The following LARP7 variants were observed in gnomAD, a reference collection of about 807,000 sequenced individuals.
The protein encoded by LARP7 is la-related protein 7.
LARP7 carries 52 observed loss-of-function variants against 69.3 expected under a neutral mutation model. The observed-to-expected ratio is 0.75, with a 90% CI of 0.60 to 0.95. The LOEUF is 0.95. Ranked by LOEUF, LARP7 falls within the 40% of genes least tolerant of loss-of-function variation. The pLI is 0.00. For missense variants in LARP7, 733 were observed against 673.0 expected, an observed-to-expected ratio of 1.09 and a Z score of -0.99; for synonymous variants, 254 against 215.9, an observed-to-expected ratio of 1.18 and a Z score of -1.55.
At chr4:112,645,592 G>GCC in intron 2 of LARP7, 1 of 454,940 alleles carries the variant, frequency 2.2e-6, no homozygotes, top group South Asian at 1.6e-5. Flanking sequence ...TCCAACTTCT[G>GCC]CCCCCACCTC....
intron 8 of LARP7, chr4:112,648,648 T>A: frequency 2.4e-6 from 1 of 419,722 alleles, no homozygotes; most frequent in Non-Finnish European, 5.0e-6. Context: ...AAAAAAATTT[T>A]TTTACCTTCC....
chr4:112,650,819 T>A (rs757623169), intron 10 of LARP7, among the ~76,000 whole-genome samples: 1 of 152,200 alleles, frequency 6.6e-6, no homozygotes, highest in Admixed American at 6.5e-5. Flanking sequence ...TCCTTCTCTA[T>A]AGGAAAATTG....
At chr4:112,654,193 C>A in intron 12 of LARP7, 34 bp downstream of exon 12, 1 of 1,481,142 alleles carries the variant, frequency 6.8e-7, no homozygotes, top group Non-Finnish European at 9.4e-7. Context: ...TTAGACTAAA[C>A]TTTCCTTGAA....
chr4:112,651,712 T>C (rs2048749173), intron 10 of LARP7, among the ~76,000 whole-genome samples: 1 of 152,206 alleles, frequency 6.6e-6, no homozygotes, highest in Admixed American at 6.5e-5. Flanking sequence ...TACAACTGTC[T>C]GTGACTTGCC....
At chr4:112,652,020 A>G (rs1219311270) in intron 10 of LARP7, among the ~76,000 whole-genome samples, 1 of 151,816 alleles carries the variant, frequency 6.6e-6, no homozygotes, top group Non-Finnish European at 1.5e-5. Flanking sequence ...TAATTTGGCA[A>G]ACAGTTACTA....
At chr4:112,648,999 T>C (rs1386846299) in intron 8 of LARP7, among the ~76,000 whole-genome samples, 1 of 151,744 alleles carries the variant, frequency 6.6e-6, no homozygotes, top group Admixed American at 6.6e-5. Context: ...TAACAATGAG[T>C]GCTCCCACTG....
rs2048392897 is a variant in LARP7, at chr4:112,647,819, TAAGAG to T, written c.1128_1132del (p.Leu376PhefsTer21). The T allele has an allele frequency of 6.3e-7, 1 of 1,592,602 alleles. No individual in the cohort carries two copies. The highest frequency in any genetic ancestry group is 8.6e-7 in the Non-Finnish European group (1 of 1,162,580). On this transcript the variant is annotated frameshift_variant, in exon 8 of 13. Coordinates refer to ENST00000344442, the MANE Select transcript of LARP7 (RefSeq NM_016648.4). LOFTEE classifies it high-confidence loss of function. ...AAAATGGGAGAAGAAGTTATACCAT[TAAGAG>T]TGCTATCAAAGTAAGTCTGTGGTTT...
intron 2 of LARP7, among the ~76,000 whole-genome samples, chr4:112,646,100 C>G (rs899171564): frequency 7.9e-5 from 12 of 152,048 alleles, no homozygotes; most frequent in Admixed American, 6.5e-4. Flanking sequence ...CTACCTCACT[C>G]TCGAGTAGCT....
chr4:112,647,833 A>C lies in LARP7; in HGVS notation c.1141A>C (p.Lys381Gln). 1 of 1,582,028 alleles carries C rather than the reference A, an allele frequency of 6.3e-7. No individual in the cohort carries two copies. Among genetic ancestry groups the C allele is most frequent in the South Asian group, 1.1e-5 (1 of 90,268 alleles). ...EEVIPLRVLS[K>Q]SEWMDLKKEY... ...AGTTATACCATTAAGAGTGCTATCA[A>C]AGTAAGTCTGTGGTTTAAATTCTGT... is the stretch of plus-strand genomic sequence containing the variant. The change falls in exon 8 of 13, where the codon AAG (lysine) becomes CAG (glutamine). Residue 381 changes from lysine to glutamine, a missense_variant and splice_region_variant. Physicochemically the swap from Lys to Gln is moderately conservative, Grantham distance 53. Transcript: ENST00000344442.
rs774897137 is a variant in LARP7, at chr4:112,646,820, C to A, written c.417C>A (p.Ser139Arg). ...TACTTCCCAAAAATGTTAATCACAG[C>A]TGGATTGAAAGAGTATTTGGGAAAT... ...VELLPKNVNH[S>R]WIERVFGKCG... The change falls in exon 5 of 13, where the codon AGC (serine) becomes AGA (arginine). Residue 139 changes from serine to arginine, a missense_variant. Ser to Arg is a moderately radical substitution (Grantham distance 110, BLOSUM62 -1). Transcript: ENST00000344442. 6.3e-7 allele frequency: 1 copy of A among 1,599,726 alleles called. No individual in the cohort carries two copies. The highest frequency in any genetic ancestry group is 8.5e-7 in the Non-Finnish European group (1 of 1,176,012).
At position 112,647,469 on chromosome 4, in the gene LARP7, T is replaced by C; in HGVS notation, c.917T>C (p.Leu306Pro). The change falls in exon 7 of 13, where the codon CTA becomes CCA. Residue 306 changes from leucine (L) to proline (P), a missense_variant. Physicochemically the swap from Leu to Pro is moderately conservative, Grantham distance 98 (BLOSUM62 -3). Coordinates refer to ENST00000344442, the MANE Select transcript of LARP7 (RefSeq NM_016648.4). ...KRSSSEDAES[L>P]APRSKVKKII... ...AGCAGCTCTGAAGATGCAGAATCCC[T>C]AGCTCCCCGATCAAAAGTAAAGAAA... The C allele has an allele frequency of 6.2e-7, 1 of 1,613,932 alleles. No individual in the cohort carries two copies. The highest frequency in any genetic ancestry group is 8.5e-7 in the Non-Finnish European group (1 of 1,179,882).
intron 2 of LARP7, 74 bp downstream of exon 2, chr4:112,644,945 C>CTTTTTTTTTTTTTTTTTTT (rs58234206): frequency 3.8e-5 from 6 of 159,990 alleles, no homozygotes; most frequent in Admixed American, 1.3e-4. Flanking sequence ...ATAATATATT[C>CTTTTTTTTTTTTTTTTTTT]TTTTTTTTTT....
Position 112,645,135 on chromosome 4 carries a change from T to C in LARP7, c.202+264T>C, listed in dbSNP as rs12650431. ...CTAATTTTTGTATTTTCAGTAGAGA[T>C]GGGATTTTACTGTGTTGGCCAGGCT... On this transcript the variant is annotated intron_variant, in intron 2 of 12. Coordinates refer to ENST00000344442, the MANE Select transcript of LARP7 (RefSeq NM_016648.4). Among the ~76,000 whole-genome samples the C allele has an allele frequency of 0.68, 103,247 of 151,334 alleles. 35,667 individuals carry two copies. The highest frequency in any genetic ancestry group is 0.96 in the East Asian group (4,924 of 5,132).
At position 112,647,185 on chromosome 4, in the gene LARP7, T is replaced by C. The variant is rs2048330610; in HGVS notation, c.647-14T>C. 2 of 1,591,608 alleles carry C rather than the reference T, an allele frequency of 1.3e-6. No homozygotes were observed. Among genetic ancestry groups the C allele is most frequent in the African/African-American group, 1.4e-5 (1 of 72,990 alleles). The stretch of plus-strand genomic sequence containing the variant: ...TTGAAGTAAGATGAACTAATAATGA[T>C]GGCACTTTTACAGAAGAGAAGAAAA... On this transcript the variant is annotated splice_polypyrimidine_tract_variant and intron_variant, in intron 6 of 12. Coordinates refer to ENST00000344442, the MANE Select transcript of LARP7 (RefSeq NM_016648.4).
intron 1 of LARP7, among the ~76,000 whole-genome samples, chr4:112,642,690 A>G (rs761227735): frequency 7.2e-5 from 11 of 152,232 alleles, no homozygotes; most frequent in Non-Finnish European, 1.5e-4. Flanking sequence ...ACCCATATCT[A>G]GCAATTACCC....
At chr4:112,639,277 T>C (rs369737000) in intron 1 of LARP7, among the ~76,000 whole-genome samples, 2 of 151,200 alleles carry the variant, frequency 1.3e-5, no homozygotes, top group African/African-American at 4.9e-5. Context: ...TGGCACGATC[T>C]CGGCTCGCTG....
At chr4:112,641,184 T>G (rs2047946179) in intron 1 of LARP7, among the ~76,000 whole-genome samples, 1 of 152,034 alleles carries the variant, frequency 6.6e-6, no homozygotes, top group Non-Finnish European at 1.5e-5. Context: ...GCAGATCACC[T>G]GAGGTCAGGT....
intron 12 of LARP7, among the ~76,000 whole-genome samples, chr4:112,656,042 A>G (rs1326062761): frequency 6.6e-6 from 1 of 152,156 alleles, no homozygotes; most frequent in Non-Finnish European, 1.5e-5. Context: ...CTGACAGCCC[A>G]ATATTTCTAC....
chr4:112,656,559 T>G (rs567917326), intron 12 of LARP7, among the ~76,000 whole-genome samples: 5 of 152,348 alleles, frequency 3.3e-5, no homozygotes, highest in Admixed American at 3.3e-4. Context: ...TTGAACACAT[T>G]GGTAAAAATA....
Sources: gnomAD v4.1 joint callset for allele counts (sites outside exome capture counted in the v4.1 genomes callset) on GRCh38, gnomAD v4.1.1 for gene constraint, MANE v1.5 for transcripts, NCBI Gene and HGNC (gene_info 2026-07-23, HGNC 2026-07-21) for gene names.